The following FBXL20 variants were observed in gnomAD, a reference collection of about 807,000 sequenced individuals.
FBXL20 encodes F-box/LRR-repeat protein 20.
In FBXL20, 11 loss-of-function variants were observed where a neutral mutation model predicts 64.0. That is an observed-to-expected ratio of 0.17 (90% CI 0.11 to 0.28). The LOEUF is 0.28. Ranked by LOEUF, FBXL20 falls within the 10% of genes least tolerant of loss-of-function variation. The pLI, the probability that FBXL20 is intolerant of heterozygous loss-of-function variation, is 1.00. For missense variants in FBXL20, 303 were observed against 526.2 expected (o/e 0.58, Z 4.15); for synonymous variants, 184 against 189.0 (o/e 0.97, Z 0.22).
chr17:39,324,296 CT>C (rs548367444), intron 2 of FBXL20, among the ~76,000 whole-genome samples: 11 of 143,966 alleles, frequency 7.6e-5, no homozygotes, highest in South Asian at 2.2e-4. Context: ...GGTGATTTTT[CT>C]TTTTTTTTTA....
chr17:39,340,230 G>A (rs2144564730), intron 2 of FBXL20, among the ~76,000 whole-genome samples: 1 of 152,320 alleles, frequency 6.6e-6, no homozygotes, highest in East Asian at 1.9e-4. Flanking sequence ...CCGAGTGGCT[G>A]GGATTACAGG....
At chr17:39,346,756 A>G (rs1429055979) in intron 1 of FBXL20, among the ~76,000 whole-genome samples, 3 of 151,930 alleles carry the variant, frequency 2.0e-5, no homozygotes, top group Non-Finnish European at 4.4e-5. Context: ...GGTTTATTAC[A>G]TATGTATACA....
chr17:39,315,829 C>CAGAGAGTGAGAG (rs2047284105), intron 2 of FBXL20, among the ~76,000 whole-genome samples: 1 of 129,686 alleles, frequency 7.7e-6, no homozygotes, highest in Non-Finnish European at 1.6e-5. Flanking sequence ...GAGAGAGAGA[C>CAGAGAGTGAGAG]AGAGAGAGAG....
chr17:39,313,930 C>T (rs558248326), intron 2 of FBXL20, among the ~76,000 whole-genome samples: 3 of 152,190 alleles, frequency 2.0e-5, no homozygotes, highest in African/African-American at 2.4e-5. Context: ...CCACAGTGCC[C>T]GGCCCAAAAT....
At position 39,350,491 on chromosome 17, in the gene FBXL20, A is replaced by T. The variant is rs571921677; in HGVS notation, c.43-7250T>A. Among the ~76,000 whole-genome samples, 81 of 149,334 alleles carry T rather than the reference A, an allele frequency of 5.4e-4. 1 individual carries two copies. Among genetic ancestry groups the T allele is most frequent in the African/African-American group, 1.7e-3 (69 of 40,432 alleles). On this transcript the variant is annotated intron_variant, in intron 1 of 14. Coordinates refer to ENST00000264658, the MANE Select transcript of FBXL20 (RefSeq NM_032875.3). Reference sequence around the variant, plus strand: ...GCAACAGAGCTAGACTCCTTCTCGAAAACAAAAACAAAAACAAAAAAAGAA... The same window carrying T: ...GCAACAGAGCTAGACTCCTTCTCGATAACAAAAACAAAAACAAAAAAAGAA...
chr17:39,269,130 C>T (rs918544427), intron 11 of FBXL20, among the ~76,000 whole-genome samples: 1 of 152,134 alleles, frequency 6.6e-6, no homozygotes, highest in Non-Finnish European at 1.5e-5. Flanking sequence ...CCCACCTCAG[C>T]CTCCCAATTA....
At chr17:39,330,692 C>A (rs2047451976) in intron 2 of FBXL20, among the ~76,000 whole-genome samples, 1 of 152,092 alleles carries the variant, frequency 6.6e-6, no homozygotes, top group Non-Finnish European at 1.5e-5. Context: ...CCAAACAGGG[C>A]CAAAGTCTCT....
At chr17:39,328,536 A>C (rs1289871759) in intron 2 of FBXL20, among the ~76,000 whole-genome samples, 2 of 152,208 alleles carry the variant, frequency 1.3e-5, no homozygotes, top group Non-Finnish European at 2.9e-5. Flanking sequence ...ATAACAATGC[A>C]CTGAATATAT....
chr17:39,263,196 CAT>C (rs1346154555), intron 14 of FBXL20, among the ~76,000 whole-genome samples: 1 of 150,864 alleles, frequency 6.6e-6, no homozygotes, highest in Admixed American at 6.6e-5. Context: ...GCCTGGGAAA[CAT>C]AGCAAGACCT....
intron 3 of FBXL20, among the ~76,000 whole-genome samples, chr17:39,302,164 T>C (rs1453398688): frequency 6.6e-6 from 1 of 152,054 alleles, no homozygotes; most frequent in Non-Finnish European, 1.5e-5. Context: ...ACTCTGAATA[T>C]TGCTCTATTC....
chr17:39,299,566 G>T (rs2047116567), intron 4 of FBXL20, among the ~76,000 whole-genome samples: 1 of 146,962 alleles, frequency 6.8e-6, no homozygotes, highest in South Asian at 2.2e-4. Context: ...TGGATCACGA[G>T]GTCAGGAGAT....
chr17:39,379,814 A>C (rs2048005245), intron 1 of FBXL20, among the ~76,000 whole-genome samples: 1 of 151,882 alleles, frequency 6.6e-6, no homozygotes, highest in Admixed American at 6.6e-5. Flanking sequence ...AAATAAGTAT[A>C]TAAAATATTT....
chr17:39,356,214 CAA>C (rs56838813), intron 1 of FBXL20, among the ~76,000 whole-genome samples: 15,510 of 74,998 alleles, frequency 0.21, 545 homozygotes, highest in East Asian at 0.3. Flanking sequence ...GACTCCATCT[CAA>C]AAAAAAAAAA....
intron 1 of FBXL20, among the ~76,000 whole-genome samples, chr17:39,373,445 A>T (rs1460795532): frequency 6.6e-6 from 1 of 152,092 alleles, no homozygotes; most frequent in Non-Finnish European, 1.5e-5. Flanking sequence ...TGTCTATCTG[A>T]TAGACTTCAG....
At chr17:39,321,187 C>G (rs1011192045) in intron 2 of FBXL20, among the ~76,000 whole-genome samples, 4 of 152,136 alleles carry the variant, frequency 2.6e-5, no homozygotes, top group African/African-American at 7.2e-5. Context: ...GGAACGGTGG[C>G]TCACGCTTGT....
intron 2 of FBXL20, among the ~76,000 whole-genome samples, chr17:39,331,187 A>C (rs2047456849): frequency 6.6e-6 from 1 of 151,888 alleles, no homozygotes; most frequent in Admixed American, 6.6e-5. Flanking sequence ...TACAGCCTCC[A>C]CCTCCGGGGT....
chr17:39,332,536 C>CTTT lies in FBXL20; in HGVS notation c.104+10641_104+10643dup, dbSNP rs58827473. Among the ~76,000 whole-genome samples the CTTT allele has an allele frequency of 2.7e-4, 26 of 96,942 alleles. 1 individual carries two copies. Among genetic ancestry groups the CTTT allele is most frequent in the African/African-American group, 3.7e-4 (9 of 24,406 alleles). The allele number at this position is 96,942 out of a possible 152,430, so 63.6% of individuals were successfully genotyped here. On this transcript the variant is annotated intron_variant, in intron 2 of 14. Transcript: ENST00000264658. ...CCCCTTTGCTGATTTTTCTTTGTAT[C>CTTT]TTTTTTTTTTTTTTTTTTTTTTTTA...
At chr17:39,280,417 A>C (rs2046939185) in intron 9 of FBXL20, among the ~76,000 whole-genome samples, 1 of 150,542 alleles carries the variant, frequency 6.6e-6, no homozygotes. Flanking sequence ...AAAAAAAAAA[A>C]AAAAAGTAGC....
chr17:39,311,801 G>T (rs570183385), intron 2 of FBXL20, among the ~76,000 whole-genome samples: 1 of 152,170 alleles, frequency 6.6e-6, no homozygotes, highest in Non-Finnish European at 1.5e-5. Flanking sequence ...TATTATATGG[G>T]GGTGGCAGGA....
Sources: allele counts gnomAD v4.1 joint callset (sites outside exome capture counted in the v4.1 genomes callset), GRCh38; gene constraint gnomAD v4.1.1; transcripts MANE v1.5; gene names NCBI Gene and HGNC (gene_info 2026-07-23, HGNC 2026-07-21).